CSRP2: variants seen among roughly 807,000 people sequenced by gnomAD.
CSRP2 encodes cysteine and glycine rich protein 2, also known as cysteine and glycine-rich protein 2.
In CSRP2, 18 loss-of-function variants were observed where a neutral mutation model predicts 24.6. The ratio of observed to expected loss-of-function variants is 0.73; its 90% CI spans 0.51 to 1.09. The LOEUF (loss-of-function observed/expected upper bound fraction) is 1.09, where lower values mean the gene tolerates loss of function less well. Ranked by LOEUF, CSRP2 falls within the 50% of genes least tolerant of loss-of-function variation. CSRP2 has a pLI of 0.00. For synonymous variants in CSRP2, 87 were observed against 84.3 expected, an observed-to-expected ratio of 1.03 and a Z score of -0.18; for missense variants, 215 against 239.4, an observed-to-expected ratio of 0.90 and a Z score of 0.67.
chr12:76,877,741 G>A (rs970670055), intron 1 of CSRP2, among the ~76,000 whole-genome samples: 21 of 152,276 alleles, frequency 1.4e-4, no homozygotes, highest in African/African-American at 4.8e-4. Context: ...TTTGTAGCTT[G>A]GCATGCAGTT....
chr12:76,863,085 A>G (rs1347850325), intron 3 of CSRP2, 91 bp downstream of exon 3: 4 of 1,501,136 alleles, frequency 2.7e-6, no homozygotes, highest in Non-Finnish European at 3.6e-6. Context: ...AGTTTCAACT[A>G]AAAATCTGGA....
In CSRP2 at chr12:76,859,033, A is replaced by G. The variant is rs753964483; in HGVS notation, c.506-5T>C. On this transcript the variant is annotated splice_region_variant and splice_polypyrimidine_tract_variant and intron_variant, in intron 5 of 5. Transcript: ENST00000311083. ...CAAAGTTCTTTGCATAGCATCCTACAAAGGAAAGGGAGGAAGGATAGTTAG... is the reference window on the plus strand; with the variant it reads ...CAAAGTTCTTTGCATAGCATCCTACGAAGGAAAGGGAGGAAGGATAGTTAG... 3.1e-6 allele frequency: 5 copies of G among 1,613,922 alleles called. No individual in the cohort carries two copies. The highest frequency in any genetic ancestry group is 3.4e-6 in the Non-Finnish European group (4 of 1,179,782).
chr12:76,878,695 G>C (rs369045644), intron 1 of CSRP2, among the ~76,000 whole-genome samples: 1 of 152,262 alleles, frequency 6.6e-6, no homozygotes, highest in African/African-American at 2.4e-5. Flanking sequence ...GGGATCCCAG[G>C]GCATGGCCTG....
chr12:76,877,185 T>C (rs1382503404), intron 1 of CSRP2, among the ~76,000 whole-genome samples: 1 of 152,162 alleles, frequency 6.6e-6, no homozygotes, highest in Non-Finnish European at 1.5e-5. Context: ...AGTGTCAGAG[T>C]TGCCTCTGGA....
chr12:76,859,099 CT>C, intron 5 of CSRP2, 71 bp from the exon 6 acceptor site: 1 of 1,214,448 alleles, frequency 8.2e-7, no homozygotes, highest in South Asian at 1.2e-5. Context: ...TTAAGACCCA[CT>C]CAACAAACCC....
chr12:76,870,309 G>GTTA (rs1953784169), intron 1 of CSRP2, among the ~76,000 whole-genome samples: 1 of 152,160 alleles, frequency 6.6e-6, no homozygotes, highest in Non-Finnish European at 1.5e-5. Flanking sequence ...TAATAACCTT[G>GTTA]TTATTCTCTT....
intron 1 of CSRP2, among the ~76,000 whole-genome samples, chr12:76,872,889 G>A (rs1359613795): frequency 3.9e-4 from 60 of 152,056 alleles, no homozygotes; most frequent in East Asian, 1.9e-4. Flanking sequence ...TATCTAAACC[G>A]GCGGCAGGAT....
intron 1 of CSRP2, among the ~76,000 whole-genome samples, chr12:76,867,586 A>G (rs1463137677): frequency 6.6e-6 from 1 of 152,206 alleles, no homozygotes; most frequent in Non-Finnish European, 1.5e-5. Context: ...TGCTAAGAAG[A>G]CATGTTATGT....
At chr12:76,862,640 G>A (rs1953693862) in intron 3 of CSRP2, 1 of 883,882 alleles carries the variant, frequency 1.1e-6, no homozygotes, top group Admixed American at 3.9e-5. Context: ...TTAGCACCTT[G>A]ATACGTTGGC....
At chr12:76,870,557 T>G (rs950204941) in intron 1 of CSRP2, among the ~76,000 whole-genome samples, 2 of 152,212 alleles carry the variant, frequency 1.3e-5, no homozygotes, top group African/African-American at 4.8e-5. Context: ...ACACCATCTA[T>G]CAGAGTATTT....
chr12:76,863,443 G>C (rs891663157), intron 2 of CSRP2, 99 bp from the exon 3 acceptor site: 1 of 1,235,042 alleles, frequency 8.1e-7, no homozygotes, highest in Non-Finnish European at 1.1e-6. Context: ...GGTGAAGGCT[G>C]AGGCTCCCTC....
chr12:76,871,514 T>G (rs1201627683), intron 1 of CSRP2, among the ~76,000 whole-genome samples: 2 of 152,210 alleles, frequency 1.3e-5, no homozygotes, highest in African/African-American at 4.8e-5. Context: ...CTCACGCCTG[T>G]AATCCCAGCA....
chr12:76,875,827 C>T (rs1953846563), intron 1 of CSRP2, among the ~76,000 whole-genome samples: 1 of 152,180 alleles, frequency 6.6e-6, no homozygotes, highest in Non-Finnish European at 1.5e-5. Flanking sequence ...ATTTAATCCT[C>T]ATAACAACTA....
intron 2 of CSRP2, chr12:76,864,270 C>T (rs1409763049): frequency 6.6e-6 from 1 of 152,148 alleles, no homozygotes; most frequent in Non-Finnish European, 1.5e-5. Flanking sequence ...AGAATTTCTT[C>T]CCCTTATTTA....
At chr12:76,863,499 A>C in intron 2 of CSRP2, 155 bp from the exon 3 acceptor site, 1 of 650,176 alleles carries the variant, frequency 1.5e-6, no homozygotes, top group South Asian at 2.2e-5. Flanking sequence ...ATGAGACAGC[A>C]TCTGGACTGG....
intron 1 of CSRP2, among the ~76,000 whole-genome samples, chr12:76,877,462 C>A (rs1468562335): frequency 2.0e-5 from 3 of 152,182 alleles, no homozygotes; most frequent in African/African-American, 7.2e-5. Flanking sequence ...TTGTGTGAGT[C>A]AAATTATATT....
chr12:76,876,161 T>C (rs1953849819), intron 1 of CSRP2, among the ~76,000 whole-genome samples: 1 of 152,224 alleles, frequency 6.6e-6, no homozygotes, highest in Non-Finnish European at 1.5e-5. Flanking sequence ...CATGAAGCCC[T>C]CTTTCCTATA....
intron 1 of CSRP2, among the ~76,000 whole-genome samples, chr12:76,873,968 T>A (rs1201110302): frequency 6.6e-6 from 1 of 152,228 alleles, no homozygotes; most frequent in African/African-American, 2.4e-5. Context: ...CAGTATTTCA[T>A]AAGCCAGGTA....
chr12:76,877,390 C>T (rs571708763), intron 1 of CSRP2, among the ~76,000 whole-genome samples: 7 of 152,170 alleles, frequency 4.6e-5, no homozygotes, highest in Admixed American at 3.3e-4. Context: ...TAAATACATT[C>T]GGAGAAATGC....
Sources: gnomAD v4.1 joint callset for allele counts (sites outside exome capture counted in the v4.1 genomes callset) on GRCh38, gnomAD v4.1.1 for gene constraint, MANE v1.5 for transcripts, NCBI Gene and HGNC (gene_info 2026-07-23, HGNC 2026-07-21) for gene names.